RBFOX1: variants seen among roughly 807,000 people sequenced by gnomAD.
The protein encoded by RBFOX1 is RNA binding fox-1 homolog 1, also known as RNA binding protein fox-1 homolog 1.
RBFOX1 carries 8 observed loss-of-function variants against 57.7 expected under a neutral mutation model. The observed-to-expected ratio is 0.14, with a 90% CI of 0.08 to 0.25. RBFOX1 has a LOEUF of 0.25. Ranked by LOEUF, RBFOX1 falls within the 10% of genes least tolerant of loss-of-function variation. The pLI, the probability that RBFOX1 is intolerant of heterozygous loss-of-function variation, is 1.00. For missense variants in RBFOX1, 611 were observed against 548.5 expected, an observed-to-expected ratio of 1.11 and a Z score of -1.14; for synonymous variants, 326 against 222.4, an observed-to-expected ratio of 1.47 and a Z score of -4.15.
At chr16:6,964,714 G>C (rs1338358254) in intron 3 of RBFOX1, among the ~76,000 whole-genome samples, 1 of 152,176 alleles carries the variant, frequency 6.6e-6, no homozygotes, top group Admixed American at 6.5e-5. Context: ...TGTCTCTGAT[G>C]AGGTAAGGTC....
intron 3 of RBFOX1, among the ~76,000 whole-genome samples, chr16:7,049,995 A>G (rs1274590727): frequency 6.6e-6 from 1 of 152,158 alleles, no homozygotes; most frequent in African/African-American, 2.4e-5. Flanking sequence ...CATACCCATT[A>G]AGCAGTCACT....
intron 2 of RBFOX1, among the ~76,000 whole-genome samples, chr16:6,529,507 C>T (rs955124191): frequency 4.0e-5 from 6 of 151,894 alleles, no homozygotes; most frequent in Non-Finnish European, 7.4e-5. Context: ...TGCAGTAAGT[C>T]GACATTGCAC....
chr16:5,855,094 T>C (rs2056992134), intron 3 of RBFOX1, among the ~76,000 whole-genome samples: 1 of 152,186 alleles, frequency 6.6e-6, no homozygotes. Flanking sequence ...TGCTGTTGAG[T>C]TGTTTGAGTG....
chr16:5,983,741 T>C (rs1208437899), intron 4 of RBFOX1, among the ~76,000 whole-genome samples: 1 of 152,126 alleles, frequency 6.6e-6, no homozygotes, highest in Non-Finnish European at 1.5e-5. Flanking sequence ...TGATTGTTTC[T>C]TCCACTCCTG....
At chr16:5,320,216 G>C (rs1358280192) in intron 1 of RBFOX1, among the ~76,000 whole-genome samples, 1 of 152,194 alleles carries the variant, frequency 6.6e-6, no homozygotes, top group Non-Finnish European at 1.5e-5. Context: ...GCTCATTCTG[G>C]TAGTTGAGAA....
At chr16:6,688,754 C>T (rs1387700452) in intron 3 of RBFOX1, among the ~76,000 whole-genome samples, 1 of 152,174 alleles carries the variant, frequency 6.6e-6, no homozygotes, top group African/African-American at 2.4e-5. Flanking sequence ...CCATCATCTA[C>T]ATTAGGTATT....
chr16:6,214,537 A>T (rs147313905), intron 1 of RBFOX1, among the ~76,000 whole-genome samples: 70 of 93,544 alleles, frequency 7.5e-4, no homozygotes, highest in African/African-American at 2.6e-3. Context: ...GGAGATGGGG[A>T]GAAGGAGACA....
At chr16:6,952,025 G>A (rs1279554183) in intron 3 of RBFOX1, among the ~76,000 whole-genome samples, 3 of 152,184 alleles carry the variant, frequency 2.0e-5, no homozygotes, top group Non-Finnish European at 4.4e-5. Context: ...AGATAATTGT[G>A]GCCACTGTTG....
rs2096875980 is a variant in RBFOX1, at chr16:6,161,193, A to C, written c.-127+141201A>C. On this transcript the variant is annotated intron_variant, in intron 1 of 15. Coordinates refer to ENST00000550418, the MANE Select transcript of RBFOX1 (RefSeq NM_018723.4). ...CACTTGAGGTCAGGAGTTGGAGACC[A>C]GCCTGGCCAACATGGTGAAACCGTG... Among the ~76,000 whole-genome samples the C allele has an allele frequency of 2.0e-5, 3 of 152,260 alleles. No homozygotes were observed. The South Asian group carries it at 6.2e-4, about 32-fold the overall frequency.
At position 7,439,945 on chromosome 16, in the gene RBFOX1, C is replaced by CTTT. The variant is rs1223191346; in HGVS notation, c.28-78201_28-78199dup. Among the ~76,000 whole-genome samples the CTTT allele has an allele frequency of 3.7e-4, 42 of 113,384 alleles. 2 individuals carry two copies. The highest frequency in any genetic ancestry group is 5.5e-4 in the East Asian group (2 of 3,654). The allele number at this position is 113,384 out of a possible 152,430, so 74.4% of individuals were successfully genotyped here. On this transcript the variant is annotated intron_variant, in intron 4 of 15. Transcript: ENST00000550418. ...GAACCACAAAACAACCAAATCTTTT[C>CTTT]TTTCTTTTTTTTTTTTTTTTTTTTG...
rs184529292 is a variant in RBFOX1 at position 5,573,955 on chromosome 16, A to G, written c.259-24947A>G. On this transcript the variant is annotated intron_variant, in intron 2 of 2. Coordinates refer to the RBFOX1 transcript ENST00000585867. ...GGCAACAGAATGAGACCCTGTCTCA[A>G]AAGGAAAAAGAAGAAAAAGAAAAAA... Among the ~76,000 whole-genome samples the G allele has an allele frequency of 4.6e-5, 7 of 152,306 alleles. No homozygotes were observed. In the East Asian group the frequency reaches 1.4e-3, roughly 29 times the overall value.
chr16:6,252,348 G>A (rs533155564), intron 1 of RBFOX1, among the ~76,000 whole-genome samples: 3 of 152,232 alleles, frequency 2.0e-5, no homozygotes, highest in South Asian at 4.2e-4. Context: ...ATTGGAACCT[G>A]CATCAGACCT....
intron 3 of RBFOX1, among the ~76,000 whole-genome samples, chr16:6,960,006 C>T (rs1311533845): frequency 2.6e-5 from 4 of 152,080 alleles, no homozygotes; most frequent in Non-Finnish European, 2.9e-5. Context: ...GTAACAAAAA[C>T]CCCCCAAGAG....
chr16:7,489,224 GA>G (rs2066260477), intron 4 of RBFOX1, among the ~76,000 whole-genome samples: 1 of 152,116 alleles, frequency 6.6e-6, no homozygotes. Flanking sequence ...ACGTGTAACT[GA>G]TACCTTTTTT....
chr16:5,488,061 G>T (rs2042693277), intron 2 of RBFOX1, among the ~76,000 whole-genome samples: 1 of 151,898 alleles, frequency 6.6e-6, no homozygotes, highest in Non-Finnish European at 1.5e-5. Flanking sequence ...GTGGTGAGGT[G>T]TGATGGTGAT....
At chr16:7,251,685 C>T (rs752161166) in intron 4 of RBFOX1, among the ~76,000 whole-genome samples, 1 of 152,044 alleles carries the variant, frequency 6.6e-6, no homozygotes, top group South Asian at 2.1e-4. Flanking sequence ...CTCGCAAAGT[C>T]GTGGGATTAC....
At chr16:6,046,715 C>T (rs543585072) in intron 1 of RBFOX1, among the ~76,000 whole-genome samples, 1 of 152,268 alleles carries the variant, frequency 6.6e-6, no homozygotes, top group Admixed American at 6.5e-5. Flanking sequence ...CTCAAGGTAA[C>T]CTTGCAGAGA....
intron 2 of RBFOX1, among the ~76,000 whole-genome samples, chr16:5,526,881 C>A (rs139012431): frequency 6.7e-4 from 102 of 152,268 alleles, no homozygotes; most frequent in African/African-American, 2.4e-3. Flanking sequence ...CTACTGCTGG[C>A]TGTTTGTGTG....
intron 3 of RBFOX1, among the ~76,000 whole-genome samples, chr16:5,826,334 C>A (rs922224165): frequency 1.3e-5 from 2 of 152,112 alleles, no homozygotes; most frequent in Non-Finnish European, 2.9e-5. Flanking sequence ...ATTAGCAGTA[C>A]CTGTGACTTT....
Sources: gnomAD v4.1 joint callset for allele counts (sites outside exome capture counted in the v4.1 genomes callset) on GRCh38, gnomAD v4.1.1 for gene constraint, MANE v1.5 for transcripts, NCBI Gene and HGNC (gene_info 2026-07-23, HGNC 2026-07-21) for gene names.